Variants in MTUS2 observed in about 807,000 individuals in gnomAD.
The protein encoded by MTUS2 is microtubule-associated tumor suppressor candidate 2.
A neutral mutation model predicts 114.1 loss-of-function variants in MTUS2; 40 were observed. That is an observed-to-expected ratio of 0.35 (90% CI 0.27 to 0.46). The LOEUF is 0.46. MTUS2 is among the 20% of genes least tolerant of loss of function. The probability of loss-of-function intolerance (pLI) is 1.00; values close to 1 mark genes in which losing one functional copy is unlikely to be tolerated. For missense variants in MTUS2, 1,679 were observed against 1,705.4 expected, an observed-to-expected ratio of 0.98 and a Z score of 0.27; for synonymous variants, 688 against 672.0, an observed-to-expected ratio of 1.02 and a Z score of -0.37.
chr13:28,895,862 C>G (rs757555379), intron 2 of MTUS2, among the ~76,000 whole-genome samples: 17 of 152,204 alleles, frequency 1.1e-4, no homozygotes, highest in Non-Finnish European at 2.1e-4. Flanking sequence ...TTTGCCAAAA[C>G]AGCTAGTGGT....
intron 1 of MTUS2, among the ~76,000 whole-genome samples, chr13:28,821,444 A>G (rs1873896027): frequency 1.3e-5 from 2 of 152,198 alleles, no homozygotes; most frequent in Non-Finnish European, 2.9e-5. Context: ...TTTTATTTTT[A>G]TCTCTGATGG....
At chr13:28,835,214 A>G (rs1385253912) in intron 1 of MTUS2, among the ~76,000 whole-genome samples, 1 of 152,224 alleles carries the variant, frequency 6.6e-6, no homozygotes, top group African/African-American at 2.4e-5. Context: ...AAACTTGCAC[A>G]TGAATGTGTA....
chr13:29,412,216 A>G (rs1258304588), intron 8 of MTUS2, among the ~76,000 whole-genome samples: 1 of 152,198 alleles, frequency 6.6e-6, no homozygotes, highest in African/African-American at 2.4e-5. Context: ...CTTTAGAACT[A>G]AGGATTTTTA....
chr13:29,133,108 A>G (rs1891835164), intron 5 of MTUS2, among the ~76,000 whole-genome samples: 1 of 151,914 alleles, frequency 6.6e-6, no homozygotes, highest in African/African-American at 2.4e-5. Flanking sequence ...AATTTTCATA[A>G]TGATTAGTGA....
At chr13:28,941,413 A>G (rs999542370) in intron 2 of MTUS2, among the ~76,000 whole-genome samples, 1 of 152,150 alleles carries the variant, frequency 6.6e-6, no homozygotes, top group South Asian at 2.1e-4. Flanking sequence ...GTAAATATTT[A>G]GAACAATAAC....
intron 8 of MTUS2, chr13:29,428,853 G>A: frequency 1.9e-6 from 3 of 1,614,076 alleles, no homozygotes; most frequent in Non-Finnish European, 2.5e-6. Flanking sequence ...ATGGGCCATT[G>A]CTGCTGCAAG....
At chr13:29,393,936 CA>C (rs1873708080) in intron 8 of MTUS2, among the ~76,000 whole-genome samples, 1 of 152,102 alleles carries the variant, frequency 6.6e-6, no homozygotes, top group South Asian at 2.1e-4. Flanking sequence ...AGGAGGCAAT[CA>C]GATATGCATG....
At chr13:29,377,219 G>C (rs1040584208) in intron 8 of MTUS2, among the ~76,000 whole-genome samples, 16 of 152,138 alleles carry the variant, frequency 1.1e-4, no homozygotes, top group African/African-American at 3.6e-4. Flanking sequence ...AATTACCAAG[G>C]ATATGGAAGA....
chr13:29,433,630 G>A (rs951468750), intron 8 of MTUS2, among the ~76,000 whole-genome samples: 10 of 152,236 alleles, frequency 6.6e-5, no homozygotes, highest in Admixed American at 5.2e-4. Flanking sequence ...TATTGAAAAC[G>A]AGTGCGATAG....
chr13:28,900,124 G>A (rs928469588), intron 2 of MTUS2, among the ~76,000 whole-genome samples: 2 of 152,172 alleles, frequency 1.3e-5, no homozygotes, highest in Non-Finnish European at 2.9e-5. Context: ...CTAACCTCAA[G>A]TGATTTGCTC....
intron 7 of MTUS2, among the ~76,000 whole-genome samples, chr13:29,330,456 G>A (rs189228258): frequency 1.3e-5 from 2 of 152,168 alleles, no homozygotes; most frequent in African/African-American, 4.8e-5. Context: ...CCCATTTGTC[G>A]ATTTTGGCTT....
chr13:29,304,773 C>T (rs2139618627), intron 6 of MTUS2, among the ~76,000 whole-genome samples: 1 of 152,200 alleles, frequency 6.6e-6, no homozygotes, highest in South Asian at 2.1e-4. Flanking sequence ...GAACTCAGCC[C>T]TGGATCAAGT....
chr13:29,281,820 C>A lies in MTUS2; in HGVS notation c.2761C>A (p.Arg921Ser). 1.2e-6 allele frequency: 2 copies of A among 1,609,300 alleles called. No individual in the cohort carries two copies. Among genetic ancestry groups the A allele is most frequent in the Non-Finnish European group, 1.7e-6 (2 of 1,176,718 alleles). ...AGCATCCTCCAGTGTGACAGCACCCCGCAGGAGTTTACTTCCAGCGCCAAA... is the reference window on the plus strand; with the variant it reads ...AGCATCCTCCAGTGTGACAGCACCCAGCAGGAGTTTACTTCCAGCGCCAAA... ...PPASSSVTAP[R>S]RSLLPAPKST... is the part of the protein sequence containing the mutation. Residue 921 changes from arginine to serine, a missense_variant, in exon 6 of 16, where the codon CGC (arginine) becomes AGC (serine). Around this residue, in one of 3 missense-constraint regions of MTUS2, gnomAD observed 822 missense variants for 899.7 expected, o/e 0.91. Transcript: ENST00000612955.
intron 2 of MTUS2, among the ~76,000 whole-genome samples, chr13:29,014,440 G>A (rs1424463470): frequency 6.6e-6 from 1 of 152,222 alleles, no homozygotes; most frequent in Non-Finnish European, 1.5e-5. Context: ...TTTATTGAGT[G>A]CCTGCAGTGC....
In MTUS2 at chr13:29,200,521, G is replaced by GTTTTTTTTTTTTTTTTTTTTTTTTTT. The variant is rs56965083; in HGVS notation, c.2645-81167_2645-81166insTTTTTTTTTTTTTTTTTTTTTTTTTT. ...TGGTTTTGAGTGAGTTTCTTTTTCTGTTTTTTTTTTTTTTTTGAGATGGAG... is the reference window on the plus strand; with the variant it reads ...TGGTTTTGAGTGAGTTTCTTTTTCTGTTTTTTTTTTTTTTTTTTTTTTTTTTTTTTTTTTTTTTTTTTGAGATGGAG... On this transcript the variant is annotated intron_variant, in intron 5 of 15. Coordinates refer to ENST00000612955, the MANE Select transcript of MTUS2 (RefSeq NM_001033602.4). Among the ~76,000 whole-genome samples the GTTTTTTTTTTTTTTTTTTTTTTTTTT allele has an allele frequency of 4.7e-5, 4 of 85,432 alleles. 1 individual carries two copies. The highest frequency in any genetic ancestry group is 8.4e-5 in the Non-Finnish European group (4 of 47,710). 56.0% of individuals were successfully genotyped at this position (85,432 alleles called of 152,430 possible). A position where few individuals can be genotyped will look rare whatever the true frequency, so the allele number is the denominator to read the frequency against.
At chr13:29,097,563 A>G (rs1373370815) in intron 4 of MTUS2, among the ~76,000 whole-genome samples, 1 of 152,222 alleles carries the variant, frequency 6.6e-6, no homozygotes. Context: ...TAACATGCTA[A>G]ATGTCTTAGT....
intron 10 of MTUS2, among the ~76,000 whole-genome samples, chr13:29,484,439 C>T (rs1427319096): frequency 5.3e-5 from 8 of 152,226 alleles, no homozygotes; most frequent in African/African-American, 9.6e-5. Flanking sequence ...TTCCATGCTC[C>T]GGGAGGAGGC....
At chr13:28,945,286 C>G (rs990385581) in intron 2 of MTUS2, among the ~76,000 whole-genome samples, 1 of 72,722 alleles carries the variant, frequency 1.4e-5, no homozygotes, top group East Asian at 3.8e-4. Context: ...AATAAACATA[C>G]GAGGGAAGGT....
intron 15 of MTUS2, among the ~76,000 whole-genome samples, chr13:29,502,011 C>T (rs1216851387): frequency 6.6e-6 from 1 of 152,222 alleles, no homozygotes; most frequent in Admixed American, 6.5e-5. Flanking sequence ...CTCACATGTA[C>T]ATTCTCTCAC....
Sources: gnomAD v4.1 joint callset for allele counts (sites outside exome capture counted in the v4.1 genomes callset) on GRCh38, gnomAD v4.1.1 for gene constraint, gnomAD v4.1.1 regional missense constraint, MANE v1.5 for transcripts, NCBI Gene and HGNC (gene_info 2026-07-23, HGNC 2026-07-21) for gene names.